CUL2: variants seen among roughly 807,000 people sequenced by gnomAD.
CUL2 encodes the protein cullin 2, also known as cullin-2.
In CUL2, 22 loss-of-function variants were observed where a neutral mutation model predicts 110.2. The ratio of observed to expected loss-of-function variants is 0.20; its 90% confidence interval spans 0.14 to 0.28. The LOEUF is 0.28. CUL2 is among the 10% of genes least tolerant of loss of function. The pLI is 1.00. For synonymous variants in CUL2, 279 were observed against 293.2 expected (o/e 0.95, Z 0.49); for missense variants, 631 against 905.5 (o/e 0.70, Z 3.89).
intron 1 of CUL2, among the ~76,000 whole-genome samples, chr10:35,089,690 G>A (rs4934722): frequency 2.6e-5 from 4 of 152,154 alleles, no homozygotes; most frequent in Non-Finnish European, 4.4e-5. Flanking sequence ...TATTTCACCA[G>A]ACCCTAAGGG....
At chr10:35,054,560 C>G (rs373843343) in intron 4 of CUL2, 21 bp from the exon 5 acceptor site, 13 of 1,329,526 alleles carry the variant, frequency 9.8e-6, no homozygotes, top group Non-Finnish European at 1.4e-5. Flanking sequence ...AATGTAATAT[C>G]AATGGATATT....
Position 35,031,663 on chromosome 10 carries a change from T to A in CUL2, c.1171-44A>T. On this transcript the variant is annotated intron_variant, in intron 12 of 20. Transcript: ENST00000374749. This position sits in a 1 kb window ranked among gnomAD's most constrained non-coding sequence, Gnocchi z 4.4. ...ATAAATCTTACAAAGGGTGCTTCTG[T>A]ATATATCACGCCTCAAAGGAGGCAA... 1 of 1,605,732 alleles carries A rather than the reference T, an allele frequency of 6.2e-7. No individual in the cohort carries two copies. The highest frequency in any genetic ancestry group is 8.5e-7 in the Non-Finnish European group (1 of 1,175,496).
intron 9 of CUL2, among the ~76,000 whole-genome samples, chr10:35,037,757 C>T (rs972689899): frequency 1.3e-5 from 2 of 151,906 alleles, no homozygotes; most frequent in African/African-American, 4.8e-5. Flanking sequence ...GCAGGAGAAT[C>T]GCTTGAACCC....
At chr10:35,044,484 A>T in intron 8 of CUL2, 82 bp downstream of exon 8, 1 of 849,894 alleles carries the variant, frequency 1.2e-6, no homozygotes, top group Non-Finnish European at 1.8e-6. Context: ...AAGAAACAAA[A>T]CAAGAAAACT....
intron 5 of CUL2, among the ~76,000 whole-genome samples, chr10:35,052,537 C>T (rs574140312): frequency 3.3e-5 from 5 of 151,996 alleles, no homozygotes; most frequent in Non-Finnish European, 5.9e-5. Flanking sequence ...CAGACGGGTT[C>T]AAAAATACTT....
chr10:35,061,081 C>A, intron 3 of CUL2, 113 bp from the exon 4 acceptor site: 2 of 1,160,926 alleles, frequency 1.7e-6, no homozygotes, highest in East Asian at 2.6e-5. Context: ...TCTAGCTGTA[C>A]AAATTACATT....
chr10:35,010,164 G>A lies in CUL2; in HGVS notation c.*147C>T. The A allele has an allele frequency of 1.7e-6, 1 of 588,390 alleles. No homozygotes were observed. The highest frequency in any genetic ancestry group is 2.6e-6 in the Non-Finnish European group (1 of 385,970). The allele number at this position is 588,390 out of a possible 1,614,324, so 36.4% of individuals were successfully genotyped here. A position where few individuals can be genotyped will look rare whatever the true frequency, so the allele number is the denominator to read the frequency against. The stretch of plus-strand genomic sequence containing the variant: ...TCTAGGCATTTTCTTTGACGCTCAT[G>A]ACGTGGCACTGGTGATGTTGTAAAC... On this transcript the variant is annotated 3_prime_UTR_variant, in exon 21 of 21. Coordinates refer to ENST00000374749, the MANE Select transcript of CUL2 (RefSeq NM_003591.4).
At chr10:35,104,742 T>G (rs868221608) in intron 1 of CUL2, among the ~76,000 whole-genome samples, 5 of 150,754 alleles carry the variant, frequency 3.3e-5, no homozygotes, top group South Asian at 2.1e-4. Context: ...AAGACTTTTC[T>G]GGGGGGGGGA....
chr10:35,016,976 G>T (rs1020301923), intron 17 of CUL2, among the ~76,000 whole-genome samples: 8 of 149,344 alleles, frequency 5.4e-5, no homozygotes, highest in African/African-American at 2.0e-4. Flanking sequence ...TAATAGAAAT[G>T]CTAAGACTTA....
chr10:35,016,539 A>G (rs2085037875), intron 17 of CUL2, 145 bp from the exon 18 acceptor site: 1 of 668,516 alleles, frequency 1.5e-6, no homozygotes, highest in East Asian at 2.7e-5. Context: ...CAAGGTAGTC[A>G]TTTTGTTTCT....
chr10:35,012,005 TAA>T (rs1267540356), intron 19 of CUL2, 41 bp from the exon 20 acceptor site: 2 of 1,165,212 alleles, frequency 1.7e-6, no homozygotes, highest in South Asian at 2.7e-5. Flanking sequence ...AACAAGACAT[TAA>T]GTCACTGAAC....
intron 1 of CUL2, among the ~76,000 whole-genome samples, chr10:35,080,311 C>A (rs1004385218): frequency 3.9e-5 from 6 of 152,056 alleles, no homozygotes; most frequent in African/African-American, 1.4e-4. Context: ...ACTAAGAATG[C>A]CCTTTCTTAT....
chr10:35,022,056 CACCGT>C (rs1271843526), intron 17 of CUL2, among the ~76,000 whole-genome samples: 2 of 149,048 alleles, frequency 1.3e-5, no homozygotes, highest in Non-Finnish European at 3.0e-5. Flanking sequence ...ACATTCAAAA[CACCGT>C]ACTGTAACTA....
chr10:35,077,446 A>C (rs2086848142), intron 1 of CUL2, among the ~76,000 whole-genome samples: 1 of 151,844 alleles, frequency 6.6e-6, no homozygotes. Context: ...GTGGTGAGCC[A>C]AGATCATGCC....
intron 9 of CUL2, 105 bp from the exon 10 acceptor site, chr10:35,035,401 G>T: frequency 2.3e-6 from 3 of 1,291,918 alleles, no homozygotes; most frequent in East Asian, 2.5e-5. Context: ...CAAGTGCAGA[G>T]CACCCAGAGA....
chr10:35,102,698 G>C (rs1019108150), intron 1 of CUL2, among the ~76,000 whole-genome samples: 1 of 152,042 alleles, frequency 6.6e-6, no homozygotes. Flanking sequence ...GCCTGGCCAA[G>C]GTGGTGAAAC....
chr10:35,079,905 T>C (rs1259707432), intron 1 of CUL2, among the ~76,000 whole-genome samples: 1 of 152,168 alleles, frequency 6.6e-6, no homozygotes, highest in East Asian at 1.9e-4. Flanking sequence ...TCAAGACAGC[T>C]ACTAAGTGAC....
At position 35,032,183 on chromosome 10, in the gene CUL2, C is replaced by G. The variant is rs368754459; in HGVS notation, c.1170+252G>C. On this transcript the variant is annotated intron_variant, in intron 12 of 20. Coordinates refer to ENST00000374749, the MANE Select transcript of CUL2 (RefSeq NM_003591.4). ...CTTTAGATTTCAGATGTAACAGAATCTACATGAAAAGTATTGCAAATTATT... is the reference window on the plus strand; with the variant it reads ...CTTTAGATTTCAGATGTAACAGAATGTACATGAAAAGTATTGCAAATTATT... Among the ~76,000 whole-genome samples, 94 of 152,226 alleles carry G rather than the reference C, an allele frequency of 6.2e-4. 1 individual carries two copies. In the South Asian group the frequency reaches 0.018, roughly 29 times the overall value.
intron 1 of CUL2, among the ~76,000 whole-genome samples, chr10:35,116,956 CA>C (rs199712281): frequency 1.6e-3 from 194 of 120,868 alleles, no homozygotes; most frequent in South Asian, 1.7e-3. Context: ...GATTCCGTCT[CA>C]AAAAAAAAAA....
Sources: gnomAD v4.1 joint callset for allele counts (sites outside exome capture counted in the v4.1 genomes callset) on GRCh38, gnomAD v4.1.1 for gene constraint, Gnocchi (gnomAD v3.1) non-coding constraint, MANE v1.5 for transcripts, NCBI Gene and HGNC (gene_info 2026-07-23, HGNC 2026-07-21) for gene names.